Variants in KDM1A observed in about 807,000 individuals in gnomAD.
KDM1A encodes the protein lysine demethylase 1A, also known as lysine-specific histone demethylase 1A.
In KDM1A, 49 loss-of-function variants were observed where a neutral mutation model predicts 109.4. The ratio of observed to expected loss-of-function variants is 0.45; its 90% CI spans 0.36 to 0.57. The LOEUF (loss-of-function observed/expected upper bound fraction) is 0.57. KDM1A is among the 20% of genes least tolerant of loss of function. The pLI is 0.00. For missense variants in KDM1A, 668 were observed against 1,116.6 expected, an observed-to-expected ratio of 0.60 and a Z score of 5.73; for synonymous variants, 380 against 415.4, an observed-to-expected ratio of 0.91 and a Z score of 1.04.
At chr1:23,064,965 T>C (rs902404692) in intron 9 of KDM1A, among the ~76,000 whole-genome samples, 9 of 152,214 alleles carry the variant, frequency 5.9e-5, no homozygotes, top group African/African-American at 2.2e-4. Flanking sequence ...TTAACATTAT[T>C]GGTCCTTTCC....
At position 23,083,348 on chromosome 1, in the gene KDM1A, A is replaced by T. The variant is rs1231766466; in HGVS notation, c.2615A>T (p.Gln872Leu). Reference sequence around the variant, plus strand: ...GCCACACCAGGTGTTCCTGCACAGCAGTCCCCAAGCATGTGAGACAGATGC... The same window carrying T: ...GCCACACCAGGTGTTCCTGCACAGCTGTCCCCAAGCATGTGAGACAGATGC... The part of the protein sequence containing the change: ...RQATPGVPAQ[Q>L]SPSM Residue 872 changes from glutamine (Q) to leucine (L), a missense_variant, in exon 21 of 21, where the codon CAG becomes CTG. Coordinates refer to ENST00000400181, the MANE Select transcript of KDM1A (RefSeq NM_001009999.3). 2 of 1,613,112 alleles carry T rather than the reference A, an allele frequency of 1.2e-6. No homozygotes were observed. The highest frequency in any genetic ancestry group is 1.7e-6 in the Non-Finnish European group (2 of 1,179,662).
intron 15 of KDM1A, among the ~76,000 whole-genome samples, chr1:23,076,343 CT>C (rs1005987040): frequency 1.3e-5 from 2 of 150,806 alleles, no homozygotes; most frequent in Admixed American, 6.6e-5. Context: ...CAATTCCTGA[CT>C]TTTTTTTTAC....
At chr1:23,052,134 T>C (rs559431) in intron 4 of KDM1A, among the ~76,000 whole-genome samples, 122,370 of 152,122 alleles carry the variant, frequency 0.8, 49,611 homozygotes, top group Non-Finnish European at 0.83. Context: ...TCTCTGTCTT[T>C]TCTGATTCAC....
intron 1 of KDM1A, among the ~76,000 whole-genome samples, chr1:23,023,339 GT>G (rs1339636356): frequency 2.0e-5 from 3 of 152,040 alleles, no homozygotes; most frequent in Non-Finnish European, 4.4e-5. Context: ...GAGTTTTTTA[GT>G]TTTAGCTCTT....
Position 23,079,051 on chromosome 1 carries a change from C to T in KDM1A, c.1929C>T (p.Asp643=), listed in dbSNP as rs772893561. The T allele has an allele frequency of 2.3e-5, 37 of 1,614,028 alleles. No homozygotes were observed. The highest frequency in any genetic ancestry group is 5.0e-5 in the Admixed American group (3 of 60,004). The change falls in exon 17 of 21, where the codon GAC becomes GAT. Residue 643 remains aspartate (D), a synonymous_variant. Coordinates refer to ENST00000400181, the MANE Select transcript of KDM1A (RefSeq NM_001009999.3). The surrounding 1 kb of genome is among the most constrained non-coding windows in gnomAD (Gnocchi z 5.6). Reference sequence around the variant, plus strand: ...GTCAAACCTTTATTTATAAATGCGACGCAGTTCTCTGTACCCTTCCCCTGG... The same window carrying T: ...GTCAAACCTTTATTTATAAATGCGATGCAGTTCTCTGTACCCTTCCCCTGG... ...STSQTFIYKC[D]AVLCTLPLGV...
chr1:23,045,336 G>A lies in KDM1A; in HGVS notation c.577+850G>A, dbSNP rs969555448. 8.5e-5 allele frequency among the ~76,000 whole-genome samples: 13 copies of A among 152,288 alleles called. No individual in the cohort carries two copies. The Middle Eastern group carries it at 0.01, about 120-fold the overall frequency. ...TTTAAAATTATTTGTTTTGCAGTTT[G>A]CATATAACAGGTCCTGGGACTGTTT... On this transcript the variant is annotated intron_variant, in intron 3 of 20. Coordinates refer to ENST00000400181, the MANE Select transcript of KDM1A (RefSeq NM_001009999.3).
At chr1:23,023,312 C>T (rs1296089105) in intron 1 of KDM1A, among the ~76,000 whole-genome samples, 2 of 152,094 alleles carry the variant, frequency 1.3e-5, no homozygotes, top group East Asian at 3.9e-4. Context: ...AGGATTTACT[C>T]CTATGTTTTC....
intron 2 of KDM1A, among the ~76,000 whole-genome samples, 183 bp downstream of exon 2, chr1:23,030,817 A>G (rs1641959887): frequency 6.6e-6 from 1 of 152,144 alleles, no homozygotes; most frequent in African/African-American, 2.4e-5. Context: ...GTGTGTATGT[A>G]TACACATAGA....
At chr1:23,077,410 C>T in intron 16 of KDM1A, 50 bp downstream of exon 16, 2 of 1,572,412 alleles carry the variant, frequency 1.3e-6, no homozygotes, top group Non-Finnish European at 1.7e-6. Context: ...TGAAACAGGA[C>T]TGATCTTTTG....
At chr1:23,037,386 A>G (rs1171309573) in intron 2 of KDM1A, among the ~76,000 whole-genome samples, 1 of 152,058 alleles carries the variant, frequency 6.6e-6, no homozygotes, top group African/African-American at 2.4e-5. Context: ...TACAATAGAA[A>G]TGTATAGAAA....
At chr1:23,026,392 T>C (rs574907537) in intron 1 of KDM1A, among the ~76,000 whole-genome samples, 3 of 52,714 alleles carry the variant, frequency 5.7e-5, no homozygotes, top group East Asian at 6.1e-4. Context: ...GTTTGTCTGT[T>C]TGTTTTTTTT....
intron 19 of KDM1A, chr1:23,081,999 T>G (rs1643632788): frequency 2.1e-5 from 8 of 381,866 alleles, no homozygotes; most frequent in Admixed American, 8.9e-5. Context: ...GATCTCTGGA[T>G]TCATAGACAG....
chr1:23,036,224 G>A (rs921677666), intron 2 of KDM1A, among the ~76,000 whole-genome samples: 6 of 152,114 alleles, frequency 3.9e-5, no homozygotes, highest in African/African-American at 1.4e-4. Context: ...TACCACCACA[G>A]GGAAGATGAT....
At chr1:23,082,925 A>G in intron 20 of KDM1A, 1 of 344,954 alleles carries the variant, frequency 2.9e-6, no homozygotes, top group East Asian at 4.9e-5. Flanking sequence ...ACAACTGGGT[A>G]TCTAAACTGA....
Position 23,019,774 on chromosome 1 carries a change from C to G in KDM1A, c.178C>G (p.Pro60Ala). ...VGPGAVGERT[P>A]RKKEPPRASP... ...GCCGGGGGCGGTGGGGGAGCGCACA[C>G]CCCGCAAGAAAGAGCCTCCGCGGGC... The change falls in exon 1 of 21, where the codon CCC (proline) becomes GCC (alanine). Residue 60 changes from proline to alanine, a missense_variant. Transcript: ENST00000400181. 1 of 1,367,020 alleles carries G rather than the reference C, an allele frequency of 7.3e-7. No individual in the cohort carries two copies. The highest frequency in any genetic ancestry group is 9.4e-7 in the Non-Finnish European group (1 of 1,058,804). 84.7% of individuals were successfully genotyped at this position (1,367,020 alleles called of 1,614,324 possible).
At chr1:23,067,951 A>C (rs1346920674) in intron 10 of KDM1A, among the ~76,000 whole-genome samples, 3 of 152,190 alleles carry the variant, frequency 2.0e-5, no homozygotes, top group Non-Finnish European at 4.4e-5. Flanking sequence ...TTGTACATTC[A>C]ATTCTGAACT....
chr1:23,071,557 T>C (rs573716565), intron 13 of KDM1A, among the ~76,000 whole-genome samples, 198 bp downstream of exon 13: 2 of 152,362 alleles, frequency 1.3e-5, no homozygotes, highest in African/African-American at 2.4e-5. Context: ...AGAATTCTTA[T>C]CCTGTCTTAA....
chr1:23,080,691 C>T (rs1415050034), intron 18 of KDM1A, among the ~76,000 whole-genome samples: 1 of 152,292 alleles, frequency 6.6e-6, no homozygotes, highest in South Asian at 2.1e-4. Flanking sequence ...GTGGTCTAGG[C>T]CTGGGGGTGC....
chr1:23,070,667 G>A (rs1274927063), intron 12 of KDM1A, among the ~76,000 whole-genome samples: 1 of 151,840 alleles, frequency 6.6e-6, no homozygotes, highest in Non-Finnish European at 1.5e-5. Context: ...AATTAGTTGG[G>A]CATGGTGGCG....
Sources: allele counts gnomAD v4.1 joint callset (sites outside exome capture counted in the v4.1 genomes callset), GRCh38; gene constraint gnomAD v4.1.1; non-coding constraint Gnocchi (gnomAD v3.1); transcripts MANE v1.5; gene names NCBI Gene and HGNC (gene_info 2026-07-23, HGNC 2026-07-21).